SMIM14: variants seen among roughly 807,000 people sequenced by gnomAD.
The protein encoded by SMIM14 is chromosome 4 open reading frame 34.
In SMIM14, 5 loss-of-function variants were observed where a neutral mutation model predicts 12.6. That is an observed-to-expected ratio of 0.40 (90% CI 0.21 to 0.83). SMIM14 has a LOEUF of 0.83. Among genes scored for constraint, SMIM14 ranks in the 40% least tolerant of loss-of-function variants. The pLI, the probability that SMIM14 is intolerant of heterozygous loss-of-function variation, is 0.37. For synonymous variants in SMIM14, 30 were observed against 40.1 expected, an observed-to-expected ratio of 0.75 and a Z score of 0.95; for missense variants, 86 against 119.1, an observed-to-expected ratio of 0.72 and a Z score of 1.29.
At chr4:39,580,217 G>T (rs1047704402) in intron 2 of SMIM14, among the ~76,000 whole-genome samples, 4 of 152,106 alleles carry the variant, frequency 2.6e-5, no homozygotes, top group African/African-American at 9.7e-5. Context: ...GTTTCACTCT[G>T]TCACCCGAGC....
intron 2 of SMIM14, among the ~76,000 whole-genome samples, chr4:39,572,758 G>C (rs888815786): frequency 1.3e-5 from 2 of 152,050 alleles, no homozygotes; most frequent in African/African-American, 4.8e-5. Context: ...GGAGGCAAAG[G>C]TTGCAGTGAA....
At chr4:39,579,769 C>T (rs988259262) in intron 2 of SMIM14, among the ~76,000 whole-genome samples, 14 of 147,386 alleles carry the variant, frequency 9.5e-5, no homozygotes, top group African/African-American at 2.3e-4. Flanking sequence ...GCTTGAACCC[C>T]GGAGGCAGAG....
chr4:39,583,416 T>C (rs1037524343), intron 2 of SMIM14, among the ~76,000 whole-genome samples: 5 of 152,036 alleles, frequency 3.3e-5, no homozygotes, highest in Non-Finnish European at 7.4e-5. Flanking sequence ...TAACTGGTTT[T>C]AAGTATTCCG....
chr4:39,588,726 A>G (rs1713911939), intron 2 of SMIM14, among the ~76,000 whole-genome samples: 1 of 152,098 alleles, frequency 6.6e-6, no homozygotes, highest in South Asian at 2.1e-4. Flanking sequence ...CTAGGAAAGT[A>G]GGAAATAAAA....
chr4:39,595,117 C>T (rs1247672394), intron 2 of SMIM14, among the ~76,000 whole-genome samples: 5 of 141,074 alleles, frequency 3.5e-5, no homozygotes, highest in East Asian at 2.0e-4. Flanking sequence ...ATGTTTATTG[C>T]GGCACTATTC....
chr4:39,562,013 C>A (rs1016936257), intron 3 of SMIM14, among the ~76,000 whole-genome samples: 3 of 152,076 alleles, frequency 2.0e-5, no homozygotes, highest in Non-Finnish European at 4.4e-5. Context: ...GTTCCCTTAA[C>A]TATCTCCTAG....
Position 39,547,944 on chromosome 4 carries a change from T to G in SMIM14, c.*4182A>C, listed in dbSNP as rs1163320714. The G allele has an allele frequency of 6.6e-6, 1 of 151,876 alleles. No individual in the cohort carries two copies. Among genetic ancestry groups the G allele is most frequent in the Non-Finnish European group, 1.5e-5 (1 of 68,182 alleles). 9.4% of individuals were successfully genotyped at this position (151,876 alleles called of 1,614,324 possible). On this transcript the variant is annotated 3_prime_UTR_variant, in exon 5 of 5. Transcript: ENST00000295958. ...TTTTGAGACGGAGTTTCACTCTTGT[T>G]GCCCAGGCTGGAGTGCAATGGCGTG...
At chr4:39,638,672 C>T in intron 1 of SMIM14, 67 bp downstream of exon 1, 1 of 982,006 alleles carries the variant, frequency 1.0e-6, no homozygotes, top group Non-Finnish European at 1.2e-6. Context: ...TGAGGAGCCC[C>T]CAGGAAAAAC....
At chr4:39,582,020 T>C (rs1039955919) in intron 2 of SMIM14, among the ~76,000 whole-genome samples, 7 of 152,000 alleles carry the variant, frequency 4.6e-5, no homozygotes, top group Admixed American at 3.9e-4. Context: ...TGCAGGCATG[T>C]GTCACCACAG....
intron 1 of SMIM14, among the ~76,000 whole-genome samples, chr4:39,624,445 T>A (rs949795174): frequency 6.6e-6 from 1 of 152,222 alleles, no homozygotes; most frequent in African/African-American, 2.4e-5. Context: ...CTGCCAGATA[T>A]GACCAATCAT....
chr4:39,569,731 T>A (rs11727592), intron 3 of SMIM14, among the ~76,000 whole-genome samples: 2 of 151,250 alleles, frequency 1.3e-5, no homozygotes, highest in Non-Finnish European at 2.9e-5. Context: ...AGCGAGACTC[T>A]GTCTCAAAAA....
chr4:39,604,523 C>T lies in SMIM14; in HGVS notation c.75+548G>A, dbSNP rs543322225. ...CTACACTCCAGCCTGTGCAACAGAG[C>T]GAGACTCCATCTCAAAATAATAATA... On this transcript the variant is annotated intron_variant, in intron 2 of 4. Coordinates refer to ENST00000295958, the MANE Select transcript of SMIM14 (RefSeq NM_174921.3). Among the ~76,000 whole-genome samples the T allele has an allele frequency of 8.0e-4, 121 of 151,662 alleles. 1 individual carries two copies. Among genetic ancestry groups the T allele is most frequent in the Admixed American group, 2.0e-3 (31 of 15,200 alleles).
intron 2 of SMIM14, chr4:39,593,045 T>C (rs1287147427): frequency 2.0e-5 from 3 of 151,710 alleles, no homozygotes; most frequent in Admixed American, 2.0e-4. Context: ...CCTCCCTAAC[T>C]CATTTTATGA....
intron 3 of SMIM14, among the ~76,000 whole-genome samples, chr4:39,567,290 G>A (rs1292674526): frequency 6.6e-6 from 1 of 152,050 alleles, no homozygotes; most frequent in African/African-American, 2.4e-5. Context: ...AGAAGCAGAA[G>A]GCTAAGAATT....
At chr4:39,600,716 A>G (rs928065325) in intron 2 of SMIM14, among the ~76,000 whole-genome samples, 16 of 150,672 alleles carry the variant, frequency 1.1e-4, no homozygotes, top group African/African-American at 3.9e-4. Flanking sequence ...AAAACAAGAG[A>G]AAAAACTAGC....
chr4:39,587,015 C>A (rs1713815629), intron 2 of SMIM14, among the ~76,000 whole-genome samples: 1 of 151,880 alleles, frequency 6.6e-6, no homozygotes, highest in East Asian at 1.9e-4. Flanking sequence ...AAGGCCTCTA[C>A]CCTCATGAAC....
At chr4:39,625,042 TAA>T (rs1715640169) in intron 1 of SMIM14, among the ~76,000 whole-genome samples, 1 of 147,366 alleles carries the variant, frequency 6.8e-6, no homozygotes, top group Admixed American at 6.8e-5. Flanking sequence ...CCATCTCTAC[TAA>T]AGATACAAAA....
intron 4 of SMIM14, among the ~76,000 whole-genome samples, chr4:39,554,830 AT>A (rs34845808): frequency 0.16 from 19,590 of 123,894 alleles, 1,096 homozygotes; most frequent in South Asian, 0.32. Flanking sequence ...AATTCATGGA[AT>A]TTTTTTTTTT....
At chr4:39,625,464 C>T (rs1025567302) in intron 1 of SMIM14, among the ~76,000 whole-genome samples, 7 of 151,370 alleles carry the variant, frequency 4.6e-5, no homozygotes, top group African/African-American at 1.2e-4. Context: ...TTTTTTGAGA[C>T]GGAGTCTTGC....
Sources: allele counts gnomAD v4.1 joint callset (sites outside exome capture counted in the v4.1 genomes callset), GRCh38; gene constraint gnomAD v4.1.1; transcripts MANE v1.5; gene names NCBI Gene and HGNC (gene_info 2026-07-23, HGNC 2026-07-21).